Variants in TPD52L2 observed in about 807,000 individuals in gnomAD.
The protein encoded by TPD52L2 is TPD52 like 2.
In TPD52L2, 19 loss-of-function variants were observed where a neutral mutation model predicts 24.7. The observed-to-expected ratio is 0.77, with a 90% CI of 0.54 to 1.13. The LOEUF is 1.13. Ranked by LOEUF, TPD52L2 falls within the 50% of genes most tolerant of loss-of-function variation. TPD52L2 has a pLI of 0.00. For synonymous variants in TPD52L2, 104 were observed against 100.2 expected (o/e 1.04, Z -0.23); for missense variants, 236 against 250.4 (o/e 0.94, Z 0.39).
intron 4 of TPD52L2, among the ~76,000 whole-genome samples, chr20:63,880,763 C>A (rs868624518): frequency 6.6e-6 from 1 of 151,876 alleles, no homozygotes; most frequent in Non-Finnish European, 1.5e-5. Flanking sequence ...TGGTGGCGGG[C>A]GCCTGTAGTC....
intron 1 of TPD52L2, 70 bp from the exon 2 acceptor site, chr20:63,869,226 A>G (rs1322087437): frequency 6.3e-7 from 1 of 1,577,062 alleles, no homozygotes; most frequent in Non-Finnish European, 8.7e-7. Flanking sequence ...TTGTCCTGCT[A>G]GAGACCTCTA....
At position 63,886,106 on chromosome 20, in the gene TPD52L2, G is replaced by C. The variant is rs1034231027; in HGVS notation, c.477-3084G>C. The C allele has an allele frequency of 5.2e-6, 8 of 1,547,714 alleles. No individual in the cohort carries two copies. In the Admixed American group the frequency reaches 1.2e-4, roughly 23 times the overall value. On this transcript the variant is annotated intron_variant, in intron 5 of 6. Transcript: ENST00000346249. The stretch of plus-strand genomic sequence containing the variant: ...TCTGAATTGGGGCAGGGTGGACTCC[G>C]GCAGGGCCCTTGGGCGGCTGTGCTA...
At chr20:63,878,326 G>A (rs948382888) in intron 4 of TPD52L2, among the ~76,000 whole-genome samples, 1 of 152,356 alleles carries the variant, frequency 6.6e-6, no homozygotes, top group East Asian at 1.9e-4. Context: ...GAGCAGCTGT[G>A]TTCTGCGAGT....
chr20:63,872,643 G>T (rs1324598052), intron 2 of TPD52L2, among the ~76,000 whole-genome samples: 1 of 152,060 alleles, frequency 6.6e-6, no homozygotes, highest in Non-Finnish European at 1.5e-5. Flanking sequence ...CTCACAAAGT[G>T]CTGGGATTAC....
intron 5 of TPD52L2, among the ~76,000 whole-genome samples, chr20:63,884,932 G>T (rs2053039837): frequency 6.6e-6 from 1 of 152,236 alleles, no homozygotes; most frequent in Non-Finnish European, 1.5e-5. Flanking sequence ...TGTTTGTAGT[G>T]GTGGTGGGAA....
chr20:63,885,284 A>C (rs1430733722), intron 5 of TPD52L2, among the ~76,000 whole-genome samples: 1 of 152,192 alleles, frequency 6.6e-6, no homozygotes, highest in Non-Finnish European at 1.5e-5. Context: ...GATTCAGGTC[A>C]GAGTGGGGGT....
chr20:63,883,082 G>A (rs1028132727), intron 5 of TPD52L2, among the ~76,000 whole-genome samples: 2 of 152,158 alleles, frequency 1.3e-5, no homozygotes, highest in Non-Finnish European at 2.9e-5. Context: ...TGTGGTGCTC[G>A]GGGTTGGTGA....
intron 2 of TPD52L2, among the ~76,000 whole-genome samples, chr20:63,870,519 AG>A (rs1375986498): frequency 3.5e-5 from 5 of 143,588 alleles, no homozygotes; most frequent in East Asian, 2.1e-4. Flanking sequence ...AATAAGGTGA[AG>A]TTTTTTTTTT....
rs1157603754 is a variant in TPD52L2 at position 63,886,417 on chromosome 20, G to A, written c.477-2773G>A. 1.6e-4 allele frequency among the ~76,000 whole-genome samples: 24 copies of A among 151,394 alleles called. 1 individual carries two copies. The highest frequency in any genetic ancestry group is 6.3e-4 in the South Asian group (3 of 4,792). On this transcript the variant is annotated intron_variant, in intron 5 of 6. Transcript: ENST00000346249. ...GCTCTGTCGCCCAGGTTGGAGTGCC[G>A]TGGCGCGATCTCGGCTCACTGCAAG...
At chr20:63,873,959 A>C (rs2052564029) in intron 3 of TPD52L2, 143 bp downstream of exon 3, 1 of 957,548 alleles carries the variant, frequency 1.0e-6, no homozygotes, top group African/African-American at 1.7e-5. Flanking sequence ...ATCCAGAGAG[A>C]GGCTCTGAGC....
chr20:63,876,970 C>T (rs1221384887), intron 4 of TPD52L2: 2 of 454,742 alleles, frequency 4.4e-6, no homozygotes, highest in South Asian at 3.1e-5. Context: ...AGCTGTACAT[C>T]TGGGTGCTCT....
intron 4 of TPD52L2, among the ~76,000 whole-genome samples, chr20:63,880,194 G>T (rs1190061976): frequency 1.8e-4 from 12 of 65,208 alleles, no homozygotes; most frequent in African/African-American, 8.5e-4. Flanking sequence ...ACAAATGCAG[G>T]TGCAGCTTCC....
At chr20:63,884,974 A>G (rs2053042042) in intron 5 of TPD52L2, among the ~76,000 whole-genome samples, 1 of 152,172 alleles carries the variant, frequency 6.6e-6, no homozygotes, top group Non-Finnish European at 1.5e-5. Flanking sequence ...GTGTATCCCC[A>G]TCATCTCCCC....
intron 5 of TPD52L2, among the ~76,000 whole-genome samples, chr20:63,885,363 G>A (rs976824777): frequency 1.3e-5 from 2 of 152,188 alleles, no homozygotes; most frequent in African/African-American, 2.4e-5. Flanking sequence ...TCAGGACCTC[G>A]GGCGAGTTGA....
chr20:63,880,626 C>G (rs1156517727), intron 4 of TPD52L2, among the ~76,000 whole-genome samples: 1 of 152,218 alleles, frequency 6.6e-6, no homozygotes, highest in Non-Finnish European at 1.5e-5. Context: ...CACGGTGGCT[C>G]ACACCTGTAA....
chr20:63,873,598 A>G, intron 2 of TPD52L2, 70 bp from the exon 3 acceptor site: 1 of 1,532,350 alleles, frequency 6.5e-7, no homozygotes. Flanking sequence ...AACTCATGGC[A>G]CTGTGCATGA....
At chr20:63,882,329 G>A (rs907903102) in intron 4 of TPD52L2, among the ~76,000 whole-genome samples, 3 of 152,256 alleles carry the variant, frequency 2.0e-5, no homozygotes, top group African/African-American at 4.8e-5. Context: ...GGGCCCGTCC[G>A]CTCTAGCAGG....
chr20:63,872,064 A>T (rs1600793006), intron 2 of TPD52L2, among the ~76,000 whole-genome samples: 10 of 136,264 alleles, frequency 7.3e-5, no homozygotes, highest in South Asian at 2.2e-4. Context: ...TTTTTTTTTT[A>T]AAGACCTGAG....
chr20:63,866,403 ACATATTAAGCTTTAT>A (rs2052236714), intron 1 of TPD52L2, among the ~76,000 whole-genome samples: 1 of 147,554 alleles, frequency 6.8e-6, no homozygotes, highest in Non-Finnish European at 1.5e-5. Flanking sequence ...GTGCCCGGCT[ACATATTAAGCTTTAT>A]AATTCCTAGG....
Sources: allele counts gnomAD v4.1 joint callset (sites outside exome capture counted in the v4.1 genomes callset), GRCh38; gene constraint gnomAD v4.1.1; transcripts MANE v1.5; gene names NCBI Gene and HGNC (gene_info 2026-07-23, HGNC 2026-07-21).